Variants in HDAC4 observed in about 807,000 individuals in gnomAD.
The protein encoded by HDAC4 is histone deacetylase 4.
In HDAC4, 16 loss-of-function variants were observed where a neutral mutation model predicts 135.1. That is an observed-to-expected ratio of 0.12 (90% CI 0.08 to 0.18). The LOEUF (loss-of-function observed/expected upper bound fraction) is 0.18. Among genes scored for constraint, HDAC4 ranks in the 10% least tolerant of loss-of-function variants. The probability of loss-of-function intolerance (pLI) is 1.00; values close to 1 mark genes in which losing one functional copy is unlikely to be tolerated. For synonymous variants in HDAC4, 685 were observed against 653.4 expected, an observed-to-expected ratio of 1.05 and a Z score of -0.74; for missense variants, 1,143 against 1,511.8, an observed-to-expected ratio of 0.76 and a Z score of 4.05.
intron 3 of HDAC4, among the ~76,000 whole-genome samples, chr2:239,218,355 C>T (rs2046760191): frequency 6.6e-6 from 1 of 151,614 alleles, no homozygotes; most frequent in African/African-American, 2.4e-5. Flanking sequence ...CTGAGAAAAA[C>T]AAGCAATGGG....
intron 1 of HDAC4, among the ~76,000 whole-genome samples, chr2:239,385,182 T>G (rs1575790969): frequency 6.6e-6 from 1 of 152,078 alleles, no homozygotes; most frequent in Admixed American, 6.5e-5. Flanking sequence ...GGAGGCCCTC[T>G]CCCCAGCATC....
intron 23 of HDAC4, among the ~76,000 whole-genome samples, chr2:239,067,578 T>C (rs1354989897): frequency 8.5e-5 from 13 of 152,178 alleles, no homozygotes; most frequent in Non-Finnish European, 1.9e-4. Flanking sequence ...GTGGCCGCGG[T>C]GCTCCGGGCC....
intron 2 of HDAC4, among the ~76,000 whole-genome samples, chr2:239,259,812 T>C (rs757399546): frequency 6.6e-6 from 1 of 152,192 alleles, no homozygotes; most frequent in African/African-American, 2.4e-5. Flanking sequence ...CCAGAGCCTG[T>C]GGTATGGCGT....
intron 1 of HDAC4, among the ~76,000 whole-genome samples, chr2:239,386,137 G>A (rs2126081166): frequency 6.6e-6 from 1 of 152,062 alleles, no homozygotes; most frequent in East Asian, 1.9e-4. Flanking sequence ...AGAGAAGGAA[G>A]GCTGAGAGTC....
rs139439788 is a variant in HDAC4 at position 239,307,641 on chromosome 2, G to C, written c.22+45037C>G. On this transcript the variant is annotated intron_variant, in intron 2 of 26. Coordinates refer to ENST00000543185, the MANE Select transcript of HDAC4 (RefSeq NM_001378414.1). This position sits in a 1 kb window ranked among gnomAD's most constrained non-coding sequence, Gnocchi z 4.8. The stretch of plus-strand genomic sequence containing the variant: ...TCCAAATAGCCAAACGACAACTCCT[G>C]CTCAAGAAAACGCATGCAAGAGAAG... Among the ~76,000 whole-genome samples, 3 of 152,160 alleles carry C rather than the reference G, an allele frequency of 2.0e-5. No homozygotes were observed. The highest frequency in any genetic ancestry group is 7.2e-5 in the African/African-American group (3 of 41,430).
intron 22 of HDAC4, among the ~76,000 whole-genome samples, chr2:239,074,599 A>G (rs2034546843): frequency 6.6e-6 from 1 of 152,212 alleles, no homozygotes; most frequent in East Asian, 1.9e-4. Context: ...GTGCCCACAC[A>G]CTCATTTTCA....
chr2:239,269,201 A>C (rs748974556), intron 2 of HDAC4, among the ~76,000 whole-genome samples: 1 of 151,816 alleles, frequency 6.6e-6, no homozygotes, highest in Non-Finnish European at 1.5e-5. Context: ...ACACACATTC[A>C]CACACCCACA....
At chr2:239,325,826 G>A (rs184753066) in intron 2 of HDAC4, among the ~76,000 whole-genome samples, 116 of 152,190 alleles carry the variant, frequency 7.6e-4, no homozygotes, top group East Asian at 2.7e-3. Context: ...TTAACCGGGC[G>A]TGGTGGCGGG....
At chr2:239,344,626 T>C (rs941524623) in intron 2 of HDAC4, among the ~76,000 whole-genome samples, 1 of 152,136 alleles carries the variant, frequency 6.6e-6, no homozygotes, top group African/African-American at 2.4e-5. Context: ...AATGATGGCA[T>C]GGAGAATCCA....
rs543774347 is a variant in HDAC4, at chr2:239,384,979, G to A, written c.-220+15999C>T. Among the ~76,000 whole-genome samples the A allele has an allele frequency of 3.9e-5, 6 of 152,302 alleles. No homozygotes were observed. The East Asian group carries it at 1.2e-3, about 29-fold the overall frequency. On this transcript the variant is annotated intron_variant, in intron 1 of 26. Coordinates refer to ENST00000543185, the MANE Select transcript of HDAC4 (RefSeq NM_001378414.1). ...GGGAGGTGCACACCCAAGGGCTCCA[G>A]CGAGCCAGGATACAGGAGAACAGAA...
chr2:239,393,800 C>G (rs1361057770), intron 1 of HDAC4, among the ~76,000 whole-genome samples: 4 of 152,228 alleles, frequency 2.6e-5, no homozygotes, highest in East Asian at 3.8e-4. Context: ...TTTTCCTGAT[C>G]AAGCCTGGGG....
intron 19 of HDAC4, 42 bp from the exon 20 acceptor site, chr2:239,084,284 C>T (rs199707382): frequency 6.8e-6 from 10 of 1,461,734 alleles, no homozygotes; most frequent in South Asian, 3.5e-5. Context: ...CGCAGGTGGG[C>T]GGTGGCCAGT....
intron 19 of HDAC4, chr2:239,085,978 C>G (rs55670164): frequency 1.2e-5 from 1 of 83,474 alleles, no homozygotes; most frequent in Admixed American, 1.3e-4. Context: ...TCCCTGTACA[C>G]GAAGGAGACT....
At chr2:239,226,330 G>A (rs1002897270) in intron 3 of HDAC4, among the ~76,000 whole-genome samples, 1 of 152,030 alleles carries the variant, frequency 6.6e-6, no homozygotes, top group African/African-American at 2.4e-5. Context: ...ACTTAGAACT[G>A]TGGAATCCTC....
intron 2 of HDAC4, among the ~76,000 whole-genome samples, chr2:239,346,538 AACAC>A (rs1411648585): frequency 1.5e-5 from 2 of 132,552 alleles, no homozygotes; most frequent in Non-Finnish European, 3.3e-5. Context: ...CACACCCTAA[AACAC>A]ACAAACACAC....
At position 239,095,071 on chromosome 2, in the gene HDAC4, G is replaced by C; in HGVS notation, c.2234-15C>G. 9 of 1,613,786 alleles carry C rather than the reference G, an allele frequency of 5.6e-6. No homozygotes were observed. The highest frequency in any genetic ancestry group is 7.6e-6 in the Non-Finnish European group (9 of 1,179,958). On this transcript the variant is annotated splice_polypyrimidine_tract_variant and intron_variant, in intron 16 of 26. Coordinates refer to ENST00000543185, the MANE Select transcript of HDAC4 (RefSeq NM_001378414.1). ...GGCGAGCGAGCCTGTGGGGGGGAGGGAGACGGTCAGAGAGGCCAAGGGCAC... is the reference window on the plus strand; with the variant it reads ...GGCGAGCGAGCCTGTGGGGGGGAGGCAGACGGTCAGAGAGGCCAAGGGCAC...
chr2:239,377,858 C>T (rs535991169), intron 1 of HDAC4, among the ~76,000 whole-genome samples: 1 of 152,258 alleles, frequency 6.6e-6, no homozygotes, highest in Admixed American at 6.5e-5. Context: ...AGCTCAGCTG[C>T]CGCCACCTTC....
At chr2:239,054,069 G>A in intron 25 of HDAC4, among the ~76,000 whole-genome samples, 1 of 152,004 alleles carries the variant, frequency 6.6e-6, no homozygotes, top group South Asian at 2.1e-4. Flanking sequence ...GCAAGGGGGT[G>A]TATGTGGAGG....
At chr2:239,257,273 T>A (rs951891150) in intron 2 of HDAC4, among the ~76,000 whole-genome samples, 5 of 149,210 alleles carry the variant, frequency 3.4e-5, no homozygotes, top group Non-Finnish European at 5.9e-5. Flanking sequence ...AAATAGGCCA[T>A]GTGGTCCAGC....
Sources: allele counts gnomAD v4.1 joint callset (sites outside exome capture counted in the v4.1 genomes callset), GRCh38; gene constraint gnomAD v4.1.1; non-coding constraint Gnocchi (gnomAD v3.1); transcripts MANE v1.5; gene names NCBI Gene and HGNC (gene_info 2026-07-23, HGNC 2026-07-21).